The following RYR3 variants were observed in gnomAD, a reference collection of about 807,000 sequenced individuals.
RYR3 encodes the protein brain ryanodine receptor-calcium release channel.
RYR3 carries 207 observed loss-of-function variants against 584.3 expected under a neutral mutation model. The ratio of observed to expected loss-of-function variants is 0.35; its 90% CI spans 0.32 to 0.40. The LOEUF is 0.40. Among genes scored for constraint, RYR3 ranks in the 10% least tolerant of loss-of-function variants. The pLI is 1.00. For missense variants in RYR3, 5,616 were observed against 6,089.2 expected (o/e 0.92, Z 2.59); for synonymous variants, 2,416 against 2,248.5 (o/e 1.07, Z -2.11).
chr15:33,859,802 CTTAATTGGT>C (rs1467781542), intron 100 of RYR3, 71 bp downstream of exon 100: 1 of 1,457,766 alleles, frequency 6.9e-7, no homozygotes, highest in Non-Finnish European at 9.3e-7. Flanking sequence ...CCATCTATGA[CTTAATTGGT>C]TTATGAAGAA....
chr15:33,428,264 C>G (rs567545938), intron 1 of RYR3, among the ~76,000 whole-genome samples: 16 of 152,186 alleles, frequency 1.1e-4, no homozygotes, highest in Non-Finnish European at 2.4e-4. Flanking sequence ...AATTCCATAT[C>G]AAATGGCACA....
At chr15:33,800,650 T>C in intron 67 of RYR3, 120 bp from the exon 68 acceptor site, 1 of 669,362 alleles carries the variant, frequency 1.5e-6, no homozygotes, top group East Asian at 2.7e-5. Flanking sequence ...ATTGCTTTCA[T>C]ATGAGAATGC....
intron 1 of RYR3, among the ~76,000 whole-genome samples, chr15:33,423,302 A>AG (rs1374678425): frequency 2.0e-5 from 3 of 152,316 alleles, no homozygotes; most frequent in African/African-American, 7.2e-5. Flanking sequence ...ATGTTTCCAG[A>AG]GTTTATCCAT....
chr15:33,325,674 G>A (rs577806220), intron 1 of RYR3, among the ~76,000 whole-genome samples: 146 of 136,652 alleles, frequency 1.1e-3, no homozygotes, highest in African/African-American at 3.6e-3. Flanking sequence ...CTTTCCTGCC[G>A]CTTTCCACCT....
At chr15:33,766,298 A>AAAG in intron 60 of RYR3, among the ~76,000 whole-genome samples, 1 of 144,600 alleles carries the variant, frequency 6.9e-6, no homozygotes, top group East Asian at 1.9e-4. Context: ...GAAAAAAAAA[A>AAAG]AAAGAAAAAA....
chr15:33,571,423 A>C (rs775127280), intron 12 of RYR3, among the ~76,000 whole-genome samples: 14 of 152,006 alleles, frequency 9.2e-5, no homozygotes, highest in Non-Finnish European at 1.6e-4. Context: ...TTACTGTTGA[A>C]TTGTCATCTT....
intron 1 of RYR3, among the ~76,000 whole-genome samples, chr15:33,358,868 T>G (rs770071214): frequency 1.1e-4 from 16 of 152,346 alleles, no homozygotes; most frequent in Non-Finnish European, 5.9e-5. Flanking sequence ...GTCACATGGC[T>G]GAGGGCTTAA....
At chr15:33,571,434 C>G (rs1300408287) in intron 12 of RYR3, among the ~76,000 whole-genome samples, 1 of 152,148 alleles carries the variant, frequency 6.6e-6, no homozygotes, top group African/African-American at 2.4e-5. Flanking sequence ...TTGTCATCTT[C>G]TACTTCAATT....
intron 1 of RYR3, among the ~76,000 whole-genome samples, chr15:33,461,356 G>T (rs1264890721): frequency 6.6e-6 from 1 of 152,174 alleles, no homozygotes; most frequent in Non-Finnish European, 1.5e-5. Context: ...CTTCACTCCA[G>T]TTTCACGGGT....
chr15:33,745,000 G>C (rs556038160), intron 52 of RYR3, among the ~76,000 whole-genome samples: 1 of 152,214 alleles, frequency 6.6e-6, no homozygotes, highest in African/African-American at 2.4e-5. Context: ...TGGAGGCTGG[G>C]AGGCTGCTTA....
At chr15:33,587,202 C>A (rs2058897291) in intron 16 of RYR3, among the ~76,000 whole-genome samples, 1 of 152,150 alleles carries the variant, frequency 6.6e-6, no homozygotes, top group African/African-American at 2.4e-5. Flanking sequence ...CCAAATGCAG[C>A]AAATCAAAGG....
intron 1 of RYR3, among the ~76,000 whole-genome samples, chr15:33,433,586 A>G (rs8031758): frequency 0.01 from 1,599 of 152,350 alleles, 24 homozygotes; most frequent in African/African-American, 0.036. Context: ...AAGTAAAAAT[A>G]TAGAAGTAGC....
At chr15:33,858,578 C>G (rs2079971413) in intron 99 of RYR3, 1 of 153,720 alleles carries the variant, frequency 6.5e-6, no homozygotes, top group Non-Finnish European at 1.4e-5. Context: ...CATCGTCTCT[C>G]AGAACAGAGA....
At chr15:33,787,182 T>G (rs982640847) in intron 66 of RYR3, among the ~76,000 whole-genome samples, 2 of 152,196 alleles carry the variant, frequency 1.3e-5, no homozygotes, top group African/African-American at 4.8e-5. Flanking sequence ...TACTTCTTGG[T>G]GACTAAACAA....
At position 33,472,361 on chromosome 15, in the gene RYR3, T is replaced by C. The variant is rs547669749; in HGVS notation, c.52-1058T>C. Among the ~76,000 whole-genome samples, 11 of 152,328 alleles carry C rather than the reference T, an allele frequency of 7.2e-5. No homozygotes were observed. The East Asian group carries it at 1.7e-3, about 24-fold the overall frequency. On this transcript the variant is annotated intron_variant, in intron 1 of 103. Transcript: ENST00000634891. ...CATTCTAGACACAGTTTAAGAAAAA[T>C]GATTTCTACTTAATCTGCCTTTCCA...
intron 43 of RYR3, among the ~76,000 whole-genome samples, chr15:33,710,368 G>A (rs1380909009): frequency 1.4e-5 from 2 of 144,268 alleles, no homozygotes; most frequent in Non-Finnish European, 3.0e-5. Context: ...TTTTGAGACA[G>A]GGTCTTGCTC....
chr15:33,477,344 G>A (rs2049471226), intron 2 of RYR3, among the ~76,000 whole-genome samples: 3 of 152,124 alleles, frequency 2.0e-5, no homozygotes. Context: ...AAGCAAAGGA[G>A]TGAGAGGATA....
intron 1 of RYR3, among the ~76,000 whole-genome samples, chr15:33,409,403 C>T (rs1216479718): frequency 6.6e-6 from 1 of 152,022 alleles, no homozygotes; most frequent in Non-Finnish European, 1.5e-5. Flanking sequence ...ACCTAGATTC[C>T]GCTCTCTCTG....
At chr15:33,864,594 A>G (rs1485939052) in intron 103 of RYR3, among the ~76,000 whole-genome samples, 2 of 151,384 alleles carry the variant, frequency 1.3e-5, no homozygotes, top group Non-Finnish European at 3.0e-5. Context: ...GGAGGTGTGC[A>G]TGTGAGAGGA....
Sources: gnomAD v4.1 joint callset for allele counts (sites outside exome capture counted in the v4.1 genomes callset) on GRCh38, gnomAD v4.1.1 for gene constraint, MANE v1.5 for transcripts, NCBI Gene and HGNC (gene_info 2026-07-23, HGNC 2026-07-21) for gene names.